The following FAM186A variants were observed in gnomAD, a reference collection of about 807,000 sequenced individuals.
The protein encoded by FAM186A is family with sequence similarity 186 member A.
FAM186A carries 163 observed loss-of-function variants against 216.8 expected under a neutral mutation model. The ratio of observed to expected loss-of-function variants is 0.75; its 90% CI spans 0.66 to 0.86. The LOEUF (loss-of-function observed/expected upper bound fraction) is 0.86. Ranked by LOEUF, FAM186A falls within the 40% of genes least tolerant of loss-of-function variation. The probability of loss-of-function intolerance (pLI) is 0.00; values close to 1 mark genes in which losing one functional copy is unlikely to be tolerated. For synonymous variants in FAM186A, 805 were observed against 1,025.3 expected (o/e 0.79, Z 4.10); for missense variants, 2,184 against 2,746.2 (o/e 0.80, Z 4.58).
chr12:50,385,614 A>G (rs1292707092), intron 1 of FAM186A, among the ~76,000 whole-genome samples: 3 of 151,892 alleles, frequency 2.0e-5, no homozygotes, highest in Non-Finnish European at 4.4e-5. Flanking sequence ...TAAAGAAGTC[A>G]AACTTGCCGG....
At chr12:50,364,835 C>A (rs1009229875) in intron 1 of FAM186A, among the ~76,000 whole-genome samples, 9 of 151,436 alleles carry the variant, frequency 5.9e-5, no homozygotes, top group Non-Finnish European at 1.0e-4. Context: ...GTCAGGAGTT[C>A]GAGACCAGCC....
At chr12:50,332,629 T>C (rs1214015635) in intron 5 of FAM186A, among the ~76,000 whole-genome samples, 1 of 152,224 alleles carries the variant, frequency 6.6e-6, no homozygotes, top group Non-Finnish European at 1.5e-5. Context: ...ATAACGCATG[T>C]TGCTGCCAAC....
chr12:50,356,382 A>T, intron 3 of FAM186A, 134 bp from the exon 4 acceptor site: 2 of 660,426 alleles, frequency 3.0e-6, no homozygotes, highest in African/African-American at 1.8e-5. Context: ...TAATCTGAAA[A>T]CTTTAGCTCT....
Position 50,355,352 on chromosome 12 carries a change from A to C in FAM186A, c.1480T>G (p.Tyr494Asp). 6.4e-7 allele frequency: 1 copy of C among 1,551,052 alleles called. No homozygotes were observed. Among genetic ancestry groups the C allele is most frequent in the East Asian group, 2.4e-5 (1 of 40,916 alleles). Residue 494 changes from tyrosine to aspartate, a missense_variant, in exon 4 of 8, where the codon TAT becomes GAT. By Grantham distance (160) the Tyr-to-Asp change is radical (BLOSUM62 -3). Transcript: ENST00000327337. The part of the protein sequence containing the change: ...KVSEAKPSQY[Y>D]ELQVLKKKRK... ...TTCTTTTTCAGTACTTGTAGCTCAT[A>C]GTATTGACTAGGTTTGGCCTCTGAG...
rs1438727805 is a variant in FAM186A at position 50,352,929 on chromosome 12, G to T, written c.3903C>A (p.Ile1301=). The T allele has an allele frequency of 1.3e-6, 2 of 1,525,638 alleles. No individual in the cohort carries two copies. Among genetic ancestry groups the T allele is most frequent in the South Asian group, 1.2e-5 (1 of 82,656 alleles). 94.5% of individuals were successfully genotyped at this position (1,525,638 alleles called of 1,614,324 possible). ...LNPQQAQTLG[I]PLTPKQAQAL... is the part of the protein sequence containing the mutation. ...CCTGTGCCTGCTTAGGGGTGAGAGG[G>T]ATCCCCAGGGTCTGGGCCTGCTGAG... The change falls in exon 4 of 8, where the codon ATC becomes ATA. Residue 1301 remains isoleucine (I), a synonymous_variant. Transcript: ENST00000327337.
chr12:50,347,152 T>C (rs1322563629), intron 4 of FAM186A, among the ~76,000 whole-genome samples: 3 of 152,142 alleles, frequency 2.0e-5, no homozygotes, highest in African/African-American at 7.2e-5. Flanking sequence ...TACGAATCCA[T>C]CATGGCTTGG....
chr12:50,369,139 T>C (rs1454852448), intron 1 of FAM186A, among the ~76,000 whole-genome samples: 1 of 152,000 alleles, frequency 6.6e-6, no homozygotes, highest in East Asian at 1.9e-4. Context: ...TTCATGGCAT[T>C]GGATTTGGCA....
At chr12:50,361,594 C>T (rs1223273200) in intron 2 of FAM186A, among the ~76,000 whole-genome samples, 4 of 129,952 alleles carry the variant, frequency 3.1e-5, no homozygotes, top group African/African-American at 5.8e-5. Context: ...TTTTTAAGAA[C>T]GAGTCTGGCT....
intron 1 of FAM186A, among the ~76,000 whole-genome samples, chr12:50,366,648 A>C (rs1379541854): frequency 5.2e-5 from 1 of 19,172 alleles, no homozygotes; most frequent in African/African-American, 1.3e-4. Flanking sequence ...AAAAAAAAAA[A>C]CGTGATCATC....
chr12:50,376,947 C>T (rs1052835072), intron 1 of FAM186A, among the ~76,000 whole-genome samples: 1 of 151,822 alleles, frequency 6.6e-6, no homozygotes, highest in South Asian at 2.1e-4. Context: ...TGGGATCTCA[C>T]TGTGTTGCTC....
rs1943183616 is a variant in FAM186A at position 50,375,018 on chromosome 12, A to G, written c.193-11654T>C. ...CATGACGAAACTCCCTTTCTATCAA[A>G]AATACAAAAATTAGCCGGGCGTGGT... is the stretch of plus-strand genomic sequence containing the variant. On this transcript the variant is annotated intron_variant, in intron 1 of 7. Coordinates refer to ENST00000327337, the MANE Select transcript of FAM186A (RefSeq NM_001145475.3). Among the ~76,000 whole-genome samples the G allele has an allele frequency of 2.0e-5, 3 of 151,922 alleles. No individual in the cohort carries two copies. The South Asian group carries it at 6.2e-4, about 31-fold the overall frequency.
At chr12:50,364,242 A>C (rs930116136) in intron 1 of FAM186A, among the ~76,000 whole-genome samples, 58 of 152,292 alleles carry the variant, frequency 3.8e-4, no homozygotes, top group African/African-American at 1.4e-3. Context: ...TCCAAGTCTT[A>C]AACCAAACTC....
intron 4 of FAM186A, among the ~76,000 whole-genome samples, chr12:50,336,626 G>T (rs1157879818): frequency 6.6e-6 from 1 of 152,098 alleles, no homozygotes; most frequent in Non-Finnish European, 1.5e-5. Flanking sequence ...AGGGAAGAAG[G>T]GGATGAGGAA....
intron 1 of FAM186A, among the ~76,000 whole-genome samples, chr12:50,376,095 T>C (rs1206710069): frequency 6.6e-6 from 1 of 152,188 alleles, no homozygotes; most frequent in Non-Finnish European, 1.5e-5. Flanking sequence ...AAGCAGGTTC[T>C]GCTGCAGGCA....
At chr12:50,347,960 C>T (rs1435113111) in intron 4 of FAM186A, among the ~76,000 whole-genome samples, 6 of 151,646 alleles carry the variant, frequency 4.0e-5, no homozygotes, top group Non-Finnish European at 8.8e-5. Context: ...GCAACCTCTG[C>T]CTCTCGGGTT....
At chr12:50,330,860 A>T in intron 6 of FAM186A, 102 bp from the exon 7 acceptor site, 2 of 1,012,434 alleles carry the variant, frequency 2.0e-6, no homozygotes. Context: ...TTGTCCTATA[A>T]TGCCTTCCCC....
intron 1 of FAM186A, among the ~76,000 whole-genome samples, chr12:50,367,528 A>G (rs1943101760): frequency 1.3e-5 from 2 of 151,556 alleles, no homozygotes; most frequent in African/African-American, 2.4e-5. Context: ...AAAAAAAAAA[A>G]AAAAAAAGAA....
At chr12:50,332,716 G>C (rs1228235458) in intron 5 of FAM186A, among the ~76,000 whole-genome samples, 1 of 152,014 alleles carries the variant, frequency 6.6e-6, no homozygotes, top group Non-Finnish European at 1.5e-5. Context: ...TTTTGACAAA[G>C]AGCTGTAATA....
At chr12:50,392,734 GACTACAGTCGTGTGCC>G (rs1943371615) in intron 1 of FAM186A, 1 of 150,200 alleles carries the variant, frequency 6.7e-6, no homozygotes, top group Admixed American at 6.7e-5. Flanking sequence ...GAGTAGCTGG[GACTACAGTCGTGTGCC>G]ACCACACTTG....
Sources: gnomAD v4.1 joint callset for allele counts (sites outside exome capture counted in the v4.1 genomes callset) on GRCh38, gnomAD v4.1.1 for gene constraint, MANE v1.5 for transcripts, NCBI Gene and HGNC (gene_info 2026-07-23, HGNC 2026-07-21) for gene names.